PARP4: variants seen among roughly 807,000 people sequenced by gnomAD.
PARP4 encodes protein mono-ADP-ribosyltransferase PARP4.
In PARP4, 120 loss-of-function variants were observed where a neutral mutation model predicts 187.7. The ratio of observed to expected loss-of-function variants is 0.64; its 90% CI spans 0.55 to 0.74. PARP4 has a LOEUF of 0.74. Among genes scored for constraint, PARP4 ranks in the 30% least tolerant of loss-of-function variants. The pLI, the probability that PARP4 is intolerant of heterozygous loss-of-function variation, is 0.00. For synonymous variants in PARP4, 654 were observed against 740.9 expected, an observed-to-expected ratio of 0.88 and a Z score of 1.90; for missense variants, 1,836 against 2,070.5, an observed-to-expected ratio of 0.89 and a Z score of 2.20.
At chr13:24,455,766 C>T (rs9511278) in intron 21 of PARP4, among the ~76,000 whole-genome samples, 65,547 of 150,362 alleles carry the variant, frequency 0.44, 14,704 homozygotes, top group Admixed American at 0.51. Context: ...CACAGGTGTG[C>T]ATGACCACAC....
chr13:24,445,448 A>C (rs1222862037), intron 27 of PARP4, among the ~76,000 whole-genome samples: 1 of 151,932 alleles, frequency 6.6e-6, no homozygotes. Flanking sequence ...GTTAATCACC[A>C]ATGGCCAATG....
chr13:24,465,621 G>A (rs1031218644), intron 17 of PARP4, among the ~76,000 whole-genome samples: 4 of 152,156 alleles, frequency 2.6e-5, no homozygotes, highest in African/African-American at 7.2e-5. Flanking sequence ...GGCCTGTAGC[G>A]GAGGCAGGGA....
Position 24,435,021 on chromosome 13 carries a change from C to T in PARP4, c.4120G>A (p.Ala1374Thr). Reference sequence around the variant, plus strand: ...GACGCCGACTGTGGGATCCAGTCAGCACAAGTGCCAGGCACAGGGCCTTGG... The same window carrying T: ...GACGCCGACTGTGGGATCCAGTCAGTACAAGTGCCAGGCACAGGGCCTTGG... ...FSQGPVPGTC[A>T]DWIPQSASCP... Residue 1374 changes from alanine to threonine, a missense_variant, in exon 31 of 34, where the codon GCT (alanine) becomes ACT (threonine). Ala to Thr is a moderately conservative substitution (Grantham distance 58). Coordinates refer to ENST00000381989, the MANE Select transcript of PARP4 (RefSeq NM_006437.4). 5 of 1,613,896 alleles carry T rather than the reference C, an allele frequency of 3.1e-6. No homozygotes were observed. The highest frequency in any genetic ancestry group is 3.3e-5 in the Admixed American group (2 of 60,022).
intron 30 of PARP4, among the ~76,000 whole-genome samples, chr13:24,437,435 T>C (rs7320102): frequency 0.4 from 60,199 of 151,694 alleles, 12,171 homozygotes; most frequent in African/African-American, 0.46. Context: ...CAAAATAACA[T>C]GTGGAATACC....
chr13:24,470,037 A>G lies in PARP4; in HGVS notation c.1915-12T>C. 6.2e-7 allele frequency: 1 copy of G among 1,609,626 alleles called. No individual in the cohort carries two copies. Among genetic ancestry groups the G allele is most frequent in the Non-Finnish European group, 8.5e-7 (1 of 1,177,910 alleles). Reference sequence around the variant, plus strand: ...TGAAAAACAATGACCTGAAGAAGAAAAAAAATCCATACAATTGATGAGACC... The same window carrying G: ...TGAAAAACAATGACCTGAAGAAGAAGAAAAATCCATACAATTGATGAGACC... On this transcript the variant is annotated splice_polypyrimidine_tract_variant and intron_variant, in intron 15 of 33. Coordinates refer to ENST00000381989, the MANE Select transcript of PARP4 (RefSeq NM_006437.4).
At chr13:24,500,950 G>A (rs1476936455) in intron 3 of PARP4, among the ~76,000 whole-genome samples, 1 of 151,914 alleles carries the variant, frequency 6.6e-6, no homozygotes, top group Non-Finnish European at 1.5e-5. Flanking sequence ...TATGCTGGCT[G>A]TCATACAGTA....
chr13:24,453,557 C>T, intron 23 of PARP4, 30 bp downstream of exon 23: 1 of 1,379,348 alleles, frequency 7.2e-7, no homozygotes, highest in Non-Finnish European at 1.0e-6. Flanking sequence ...GGAAAAGACC[C>T]AGGAGATACA....
chr13:24,468,227 C>T (rs1872571161), intron 17 of PARP4, among the ~76,000 whole-genome samples: 2 of 152,140 alleles, frequency 1.3e-5, no homozygotes, highest in Non-Finnish European at 2.9e-5. Flanking sequence ...GTCTAGTGGA[C>T]CTGCCAGCTA....
intron 1 of PARP4, among the ~76,000 whole-genome samples, 177 bp downstream of exon 1, chr13:24,512,529 G>C (rs1048454578): frequency 3.3e-5 from 5 of 152,298 alleles, no homozygotes; most frequent in Admixed American, 2.0e-4. Context: ...ATCCCTCCCC[G>C]AGGGCGCTGG....
At chr13:24,482,680 T>C (rs571156880) in intron 12 of PARP4, among the ~76,000 whole-genome samples, 3 of 152,316 alleles carry the variant, frequency 2.0e-5, no homozygotes, top group Non-Finnish European at 2.9e-5. Flanking sequence ...CACAATGCTA[T>C]TGCACACTTT....
intron 1 of PARP4, among the ~76,000 whole-genome samples, chr13:24,506,621 C>CTAGA (rs1477979053): frequency 2.6e-5 from 4 of 152,298 alleles, no homozygotes; most frequent in South Asian, 2.1e-4. Context: ...AAACCTTGAG[C>CTAGA]TAGACACAGG....
intron 25 of PARP4, among the ~76,000 whole-genome samples, chr13:24,448,256 A>G (rs540321616): frequency 6.6e-6 from 1 of 152,220 alleles, no homozygotes; most frequent in South Asian, 2.1e-4. Flanking sequence ...AACAAAAAAC[A>G]ATAAGAAAAA....
intron 12 of PARP4, among the ~76,000 whole-genome samples, chr13:24,481,491 G>A (rs1364238363): frequency 6.6e-6 from 1 of 152,166 alleles, no homozygotes. Context: ...TCAGGAGTTC[G>A]AGACCAGCCT....
intron 22 of PARP4, among the ~76,000 whole-genome samples, chr13:24,454,694 G>A (rs1871725271): frequency 6.6e-6 from 1 of 152,202 alleles, no homozygotes; most frequent in Non-Finnish European, 1.5e-5. Context: ...AACAGGCACA[G>A]TTTAAAAATC....
At chr13:24,441,298 C>T (rs1296457170) in intron 30 of PARP4, among the ~76,000 whole-genome samples, 1 of 152,162 alleles carries the variant, frequency 6.6e-6, no homozygotes, top group Admixed American at 6.6e-5. Flanking sequence ...ACCACGGTGC[C>T]GGATCAGATT....
chr13:24,491,736 C>G (rs1868665507), intron 9 of PARP4, among the ~76,000 whole-genome samples: 1 of 152,222 alleles, frequency 6.6e-6, no homozygotes, highest in South Asian at 2.1e-4. Context: ...GCCTGCTTCT[C>G]TCCTGGCAGC....
chr13:24,496,022 T>A (rs896186167), intron 6 of PARP4, among the ~76,000 whole-genome samples: 1 of 151,740 alleles, frequency 6.6e-6, no homozygotes, highest in Non-Finnish European at 1.5e-5. Context: ...CCCTGAGGGA[T>A]GTCCTGGCCT....
chr13:24,445,962 T>C (rs376265148), intron 27 of PARP4, among the ~76,000 whole-genome samples: 3 of 152,160 alleles, frequency 2.0e-5, no homozygotes, highest in Admixed American at 6.5e-5. Flanking sequence ...AGAGAATTGG[T>C]TGGGAAAAAC....
chr13:24,428,181 C>T (rs1363643135), intron 32 of PARP4, among the ~76,000 whole-genome samples: 2 of 152,242 alleles, frequency 1.3e-5, no homozygotes, highest in Non-Finnish European at 2.9e-5. Context: ...CAGTGAAACA[C>T]AGGAAAAGCC....
Sources: allele counts gnomAD v4.1 joint callset (sites outside exome capture counted in the v4.1 genomes callset), GRCh38; gene constraint gnomAD v4.1.1; transcripts MANE v1.5; gene names NCBI Gene and HGNC (gene_info 2026-07-23, HGNC 2026-07-21).